The following NREP variants were observed in gnomAD, a reference collection of about 807,000 sequenced individuals.
NREP encodes the protein neuronal regeneration-related protein.
A neutral mutation model predicts 8.6 loss-of-function variants in NREP; 5 were observed. That is an observed-to-expected ratio of 0.58 (90% confidence interval 0.30 to 1.22). NREP has a LOEUF of 1.22. Among genes scored for constraint, NREP ranks in the 50% most tolerant of loss-of-function variants. The probability of loss-of-function intolerance (pLI) is 0.07; values close to 1 mark genes in which losing one functional copy is unlikely to be tolerated. For synonymous variants in NREP, 27 were observed against 28.0 expected (o/e 0.96, Z 0.11); for missense variants, 86 against 82.5 (o/e 1.04, Z -0.17).
intron 2 of NREP, among the ~76,000 whole-genome samples, chr5:111,814,680 T>C (rs1055035585): frequency 6.6e-6 from 1 of 152,166 alleles, no homozygotes; most frequent in Non-Finnish European, 1.5e-5. Flanking sequence ...AATAAAAAAT[T>C]CCCTCACTAT....
At chr5:111,825,478 T>C (rs1461391906) in intron 2 of NREP, among the ~76,000 whole-genome samples, 1 of 152,152 alleles carries the variant, frequency 6.6e-6, no homozygotes, top group Admixed American at 6.5e-5. Context: ...TAGAATACAC[T>C]AACAAGCAGG....
At chr5:111,766,653 C>T (rs1306723853) in intron 2 of NREP, among the ~76,000 whole-genome samples, 2 of 152,194 alleles carry the variant, frequency 1.3e-5, no homozygotes, top group Non-Finnish European at 2.9e-5. Context: ...GCCATCCTAA[C>T]CCTCTGTCTC....
Position 111,878,451 on chromosome 5 carries a change from C to T in NREP, c.135+96823G>A, listed in dbSNP as rs1288669693. Among the ~76,000 whole-genome samples, 3 of 152,276 alleles carry T rather than the reference C, an allele frequency of 2.0e-5. No homozygotes were observed. The South Asian group carries it at 6.2e-4, about 32-fold the overall frequency. ...ATCATACCTCATGAAAACTCACTCA[C>T]TATCCCAAGAACAGCACGGGGGACA... On this transcript the variant is annotated intron_variant, in intron 2 of 3. Transcript: ENST00000395634.
chr5:111,764,370 GA>G (rs1235578844), intron 2 of NREP, among the ~76,000 whole-genome samples: 1 of 152,206 alleles, frequency 6.6e-6, no homozygotes, highest in Non-Finnish European at 1.5e-5. Flanking sequence ...ACAAAAGAAA[GA>G]GAGGTTTAAT....
chr5:111,730,542 G>C lies in NREP; in HGVS notation c.*379C>G, dbSNP rs377554888. Reference sequence around the variant, plus strand: ...TACATCTAAATGAAAAAAAAGGTGGGGGGGGGACTCTCAGCCTCTGCAAGA... The same window carrying C: ...TACATCTAAATGAAAAAAAAGGTGGCGGGGGGACTCTCAGCCTCTGCAAGA... On this transcript the variant is annotated 3_prime_UTR_variant, in exon 4 of 4. Transcript: ENST00000257435. 12 of 167,808 alleles carry C rather than the reference G, an allele frequency of 7.2e-5. No individual in the cohort carries two copies. Among genetic ancestry groups the C allele is most frequent in the African/African-American group, 1.7e-4 (7 of 41,738 alleles). The allele number at this position is 167,808 out of a possible 1,614,324, so 10.4% of individuals were successfully genotyped here. A position where few individuals can be genotyped will look rare whatever the true frequency, so the allele number is the denominator to read the frequency against.
chr5:111,885,546 G>A (rs1476858023), intron 2 of NREP, among the ~76,000 whole-genome samples: 5 of 152,158 alleles, frequency 3.3e-5, no homozygotes, highest in African/African-American at 9.7e-5. Flanking sequence ...AAAGCTGGAG[G>A]CATCACGCTA....
chr5:111,845,373 T>C (rs1753137227), intron 2 of NREP, among the ~76,000 whole-genome samples: 1 of 152,076 alleles, frequency 6.6e-6, no homozygotes, highest in Non-Finnish European at 1.5e-5. Context: ...CATAAATTGT[T>C]CAAATTGATG....
chr5:111,870,011 T>C (rs148206968), intron 2 of NREP, among the ~76,000 whole-genome samples: 55 of 152,324 alleles, frequency 3.6e-4, no homozygotes, highest in African/African-American at 1.3e-3. Context: ...ATATGCCTCT[T>C]AAACTTCAAC....
At chr5:111,735,565 A>G in intron 2 of NREP, 58 bp from the exon 3 acceptor site, 2 of 1,240,350 alleles carry the variant, frequency 1.6e-6, no homozygotes, top group Non-Finnish European at 2.4e-6. Context: ...CTCTGAAACT[A>G]CACGGGATAA....
chr5:111,927,568 CCAAA>C (rs1232604445), intron 2 of NREP, among the ~76,000 whole-genome samples: 2 of 152,032 alleles, frequency 1.3e-5, no homozygotes, highest in Admixed American at 6.6e-5. Flanking sequence ...CCTTTTGTTC[CCAAA>C]CAGATAGCTG....
At chr5:111,947,533 A>G (rs908236325) in intron 2 of NREP, among the ~76,000 whole-genome samples, 1 of 152,040 alleles carries the variant, frequency 6.6e-6, no homozygotes, top group East Asian at 1.9e-4. Context: ...GCAAGGAATT[A>G]TGCTAATGCT....
intron 2 of NREP, among the ~76,000 whole-genome samples, chr5:111,947,331 T>C (rs2112627665): frequency 6.6e-6 from 1 of 152,132 alleles, no homozygotes; most frequent in South Asian, 2.1e-4. Context: ...AATTAAGAAC[T>C]GAACTAAATT....
At chr5:111,947,167 T>C (rs779065209) in intron 2 of NREP, among the ~76,000 whole-genome samples, 14 of 152,008 alleles carry the variant, frequency 9.2e-5, no homozygotes, top group Non-Finnish European at 1.0e-4. Flanking sequence ...TTGTATCCAC[T>C]CCTCCACAAT....
In NREP at chr5:111,886,396, T is replaced by C. The variant is rs1474268042; in HGVS notation, c.135+88878A>G. Among the ~76,000 whole-genome samples the C allele has an allele frequency of 3.9e-5, 6 of 152,226 alleles. No homozygotes were observed. In the East Asian group the frequency reaches 1.2e-3, roughly 29 times the overall value. On this transcript the variant is annotated intron_variant, in intron 2 of 3. Coordinates refer to the NREP transcript ENST00000395634. ...GTGGGACTGTAAACTAGTTCAGCCA[T>C]TGTGGAAGTCAGTGTGGTGATTCCT...
intron 2 of NREP, among the ~76,000 whole-genome samples, chr5:111,918,320 T>C (rs942173549): frequency 1.2e-4 from 19 of 152,212 alleles, no homozygotes; most frequent in African/African-American, 4.1e-4. Flanking sequence ...CCCATCAAAC[T>C]ACCACTGACT....
At chr5:111,886,209 C>T (rs1367663479) in intron 2 of NREP, among the ~76,000 whole-genome samples, 1 of 152,114 alleles carries the variant, frequency 6.6e-6, no homozygotes, top group Non-Finnish European at 1.5e-5. Context: ...CAGCCAAAAA[C>T]CACATGAAAA....
intron 2 of NREP, among the ~76,000 whole-genome samples, chr5:111,881,724 C>T (rs1240779517): frequency 6.6e-6 from 1 of 152,190 alleles, no homozygotes; most frequent in Non-Finnish European, 1.5e-5. Flanking sequence ...CAAACAGGGT[C>T]TGGAGTGGAC....
intron 2 of NREP, among the ~76,000 whole-genome samples, chr5:111,747,904 G>C (rs1750107585): frequency 2.6e-5 from 4 of 152,210 alleles, no homozygotes; most frequent in Non-Finnish European, 5.9e-5. Context: ...CCATTCTAAG[G>C]TCATAATGGG....
intron 2 of NREP, among the ~76,000 whole-genome samples, chr5:111,787,665 C>T (rs966611674): frequency 4.0e-5 from 6 of 151,198 alleles, no homozygotes; most frequent in African/African-American, 1.5e-4. Context: ...TTTCCAAATG[C>T]GTTTTTTTAT....
Sources: gnomAD v4.1 joint callset for allele counts (sites outside exome capture counted in the v4.1 genomes callset) on GRCh38, gnomAD v4.1.1 for gene constraint, MANE v1.5 for transcripts, NCBI Gene and HGNC (gene_info 2026-07-23, HGNC 2026-07-21) for gene names.